LENG9: variants seen among roughly 807,000 people sequenced by gnomAD.
The protein encoded by LENG9 is leukocyte receptor cluster member 9.
For synonymous variants in LENG9, 410 were observed against 303.9 expected (o/e 1.35, Z -3.63); for missense variants, 872 against 652.7 (o/e 1.34, Z -3.66).
chr19:54,463,598 C>T lies in LENG9; in HGVS notation c.-72G>A. 2 of 1,295,716 alleles carry T rather than the reference C, an allele frequency of 1.5e-6. No individual in the cohort carries two copies. Among genetic ancestry groups the T allele is most frequent in the Non-Finnish European group, 2.0e-6 (2 of 1,018,646 alleles). The allele number at this position is 1,295,716 out of a possible 1,614,324, so 80.3% of individuals were successfully genotyped here. On this transcript the variant is annotated 5_prime_UTR_variant, in exon 1 of 1. Coordinates refer to ENST00000611161, the MANE Select transcript of LENG9 (RefSeq NM_001301782.2). ...CACGGAGGGCGGCTCCCCTTGGATG[C>T]ACCGAGCCTCACCCGACAGTGGCGT...
Position 54,462,891 on chromosome 19 carries a change from C to G in LENG9, c.636G>C (p.Glu212Asp), listed in dbSNP as rs2084640498. The G allele has an allele frequency of 6.2e-7, 1 of 1,612,722 alleles. No homozygotes were observed. Among genetic ancestry groups the G allele is most frequent in the South Asian group, 1.1e-5 (1 of 91,082 alleles). Residue 212 changes from glutamate (E) to aspartate (D), a missense_variant, in exon 1 of 1, where the codon GAG (glutamate) becomes GAC (aspartate). By Grantham distance (45) the Glu-to-Asp change is conservative. Transcript: ENST00000611161. ...EPGVEEPGEL[E>D]AAQERALGTA... ...TGCCCAGCGCCCTCTCCTGGGCCGC[C>G]TCCAGCTCTCCGGGTTCCTCCACGC...
rs747309125 is a variant in LENG9, at chr19:54,461,750, GT to G, written c.*339del. 5.4e-5 allele frequency: 29 copies of G among 535,932 alleles called. No homozygotes were observed. Among genetic ancestry groups the G allele is most frequent in the East Asian group, 1.0e-4 (2 of 19,850 alleles). 33.2% of individuals were successfully genotyped at this position (535,932 alleles called of 1,614,324 possible). A position where few individuals can be genotyped will look rare whatever the true frequency, so the allele number is the denominator to read the frequency against. On this transcript the variant is annotated 3_prime_UTR_variant, in exon 1 of 1. Transcript: ENST00000611161. The stretch of plus-strand genomic sequence containing the variant: ...CGTCATGTTGCCTTCTCTTTTCTTT[GT>G]GTGTGTGTTTATTTAAGTTATTTTT...
chr19:54,463,126 AGGC>A lies in LENG9; in HGVS notation c.398_400del (p.Arg133del), dbSNP rs901350785. The A allele has an allele frequency of 1.4e-5, 23 of 1,599,112 alleles. No individual in the cohort carries two copies. Among genetic ancestry groups the A allele is most frequent in the Non-Finnish European group, 1.8e-5 (21 of 1,178,032 alleles). On this transcript the variant is annotated inframe_deletion, in exon 1 of 1. Transcript: ENST00000611161. ...GGTGCGCGAGGCGCGGTCCCACACA[AGGC>A]GGCCACGGAAGCGGAAGAAGCGCAC... is the stretch of plus-strand genomic sequence containing the variant.
Position 54,461,886 on chromosome 19 carries a change from T to TC in LENG9, c.*203dup. 1.3e-6 allele frequency: 1 copy of TC among 766,818 alleles called. No homozygotes were observed. 47.5% of individuals were successfully genotyped at this position (766,818 alleles called of 1,614,324 possible). On this transcript the variant is annotated 3_prime_UTR_variant, in exon 1 of 1. Transcript: ENST00000611161. ...AGCTGGACTGTCAGGCTGCTTTTTT[T>TC]CCAGATGTTCCTCCTCTGCCTCCCC... is the stretch of plus-strand genomic sequence containing the variant.
rs770213650 is a variant in LENG9 at position 54,463,100 on chromosome 19, C to G, written c.427G>C (p.Asp143His). ...RLVWDRASRT[D>H]LVFGSGSAAG... ...GCCGAGCCAGAGCCAAAGACGAGGT[C>G]GGTGCGCGAGGCGCGGTCCCACACA... Residue 143 changes from aspartate (D) to histidine (H), a missense_variant, in exon 1 of 1, where the codon GAC becomes CAC. Transcript: ENST00000611161. 6.2e-7 allele frequency: 1 copy of G among 1,602,198 alleles called. No individual in the cohort carries two copies. Among genetic ancestry groups the G allele is most frequent in the South Asian group, 1.1e-5 (1 of 90,830 alleles).
Position 54,462,871 on chromosome 19 carries a change from A to G in LENG9, c.656T>C (p.Leu219Pro), listed in dbSNP as rs754373509. Residue 219 changes from leucine (L) to proline (P), a missense_variant, in exon 1 of 1, where the codon CTG becomes CCG. Transcript: ENST00000611161. ...TGTTCCCAAATCAGCAGCTGTGCCC[A>G]GCGCCCTCTCCTGGGCCGCCTCCAG... ...GELEAAQERALGTAADLGTLA... is the reference protein window; with the variant it reads ...GELEAAQERAPGTAADLGTLA... The G allele has an allele frequency of 7.4e-6, 12 of 1,612,680 alleles. No homozygotes were observed. The South Asian group carries it at 1.3e-4, about 18-fold the overall frequency.
Position 54,462,394 on chromosome 19 carries a change from C to A in LENG9, c.1133G>T (p.Arg378Ile). ...ATGCGGGCCCAGGAGGACCAGCTTT[C>A]TAAAGCTCAGCCGAGGGGGTGCATT... The part of the protein sequence containing the change: ...GLNAPPRLSF[R>I]KLVLLGPHVL... The change falls in exon 1 of 1, where the codon AGA becomes ATA. Residue 378 changes from arginine (R) to isoleucine (I), a missense_variant. Transcript: ENST00000611161. 1.9e-6 allele frequency: 3 copies of A among 1,613,004 alleles called. No individual in the cohort carries two copies. In the South Asian group the frequency reaches 3.3e-5, roughly 18 times the overall value.
At position 54,463,395 on chromosome 19, in the gene LENG9, C is replaced by T. The variant is rs1600038482; in HGVS notation, c.132G>A (p.Gly44=). The change falls in exon 1 of 1, where the codon GGG becomes GGA. Residue 44 remains glycine (G), a synonymous_variant. Transcript: ENST00000611161. The part of the protein sequence containing the change: ...FGARCRQPHP[G]APAPPGREAQ... ...CCTCGCGGCCAGGCGGCGCCGGCGC[C>T]CCAGGGTGGGGCTGGCGGCAGCGGG... 2 of 1,282,866 alleles carry T rather than the reference C, an allele frequency of 1.6e-6. No individual in the cohort carries two copies. Among genetic ancestry groups the T allele is most frequent in the Non-Finnish European group, 2.0e-6 (2 of 1,018,120 alleles). The allele number at this position is 1,282,866 out of a possible 1,614,324, so 79.5% of individuals were successfully genotyped here.
rs897663089 is a variant in LENG9 at position 54,462,674 on chromosome 19, C to T, written c.853G>A (p.Ala285Thr). ...GPAAWPEDKR[A>T]RLSVAAPCQP... ...CAAGGGGCTGCAACACTAAGGCGGG[C>T]CCTTTTGTCCTCGGGCCAGGCCGCA... Residue 285 changes from alanine to threonine, a missense_variant, in exon 1 of 1, where the codon GCC becomes ACC. Transcript: ENST00000611161. 2.5e-6 allele frequency: 4 copies of T among 1,611,894 alleles called. No individual in the cohort carries two copies. The African/African-American group carries it at 5.3e-5, about 22-fold the overall frequency.
At position 54,462,580 on chromosome 19, in the gene LENG9, T is replaced by G; in HGVS notation, c.947A>C (p.Lys316Thr). Reference protein sequence around the residue: ...TEPGLQAEVTKAQEYLVHVAP... With the variant: ...TEPGLQAEVTTAQEYLVHVAP... The stretch of plus-strand genomic sequence containing the variant: ...CACGTGGACCAGGTATTCCTGGGCC[T>G]TGGTCACTTCTGCTTGTAGCCCAGG... The change falls in exon 1 of 1, where the codon AAG becomes ACG. Residue 316 changes from lysine to threonine, a missense_variant. Lys to Thr is a moderately conservative substitution (Grantham distance 78). Coordinates refer to ENST00000611161, the MANE Select transcript of LENG9 (RefSeq NM_001301782.2). 5 of 1,613,754 alleles carry G rather than the reference T, an allele frequency of 3.1e-6. No individual in the cohort carries two copies. The highest frequency in any genetic ancestry group is 1.3e-5 in the African/African-American group (1 of 75,048).
rs530557227 is a variant in LENG9, at chr19:54,462,850, C to G, written c.677G>C (p.Gly226Ala). 6.2e-7 allele frequency: 1 copy of G among 1,612,540 alleles called. No individual in the cohort carries two copies. Among genetic ancestry groups the G allele is most frequent in the South Asian group, 1.1e-5 (1 of 91,070 alleles). ...ERALGTAADL[G>A]TLAPRGRLAG... ...GAGGCGTCCTCTTGGGGCCAGTGTT[C>G]CCAAATCAGCAGCTGTGCCCAGCGC... The change falls in exon 1 of 1, where the codon GGA becomes GCA. Residue 226 changes from glycine to alanine, a missense_variant. Coordinates refer to ENST00000611161, the MANE Select transcript of LENG9 (RefSeq NM_001301782.2).
At position 54,461,835 on chromosome 19, in the gene LENG9, G is replaced by A; in HGVS notation, c.*255C>T. The A allele has an allele frequency of 1.9e-6, 1 of 533,352 alleles. No individual in the cohort carries two copies. The highest frequency in any genetic ancestry group is 3.7e-6 in the Non-Finnish European group (1 of 269,108). The allele number at this position is 533,352 out of a possible 1,614,324, so 33.0% of individuals were successfully genotyped here. The stretch of plus-strand genomic sequence containing the variant: ...TCCCTCCCTCTTCTGCCATGTAACT[G>A]GAGGATGTGCTATGAGTTTGCAAAC... On this transcript the variant is annotated 3_prime_UTR_variant, in exon 1 of 1. Coordinates refer to ENST00000611161, the MANE Select transcript of LENG9 (RefSeq NM_001301782.2).
At position 54,462,294 on chromosome 19, in the gene LENG9, C is replaced by T. The variant is rs145372180; in HGVS notation, c.1233G>A (p.Gly411=). ...GCCCTGGAGACTGTAGTGTACTCAG[C>T]CCCTCGGCTTCCAGCCTCTGGCTCA... is the stretch of plus-strand genomic sequence containing the variant. ...QVLSQRLEAE[G]LSTLQSPGQL... is the part of the protein sequence containing the mutation. Residue 411 remains glycine (G), a synonymous_variant, in exon 1 of 1, where the codon GGG becomes GGA. Coordinates refer to ENST00000611161, the MANE Select transcript of LENG9 (RefSeq NM_001301782.2). 115 of 1,602,282 alleles carry T rather than the reference C, an allele frequency of 7.2e-5. No homozygotes were observed. The African/African-American group carries it at 1.5e-3, about 20-fold the overall frequency.
chr19:54,463,290 G>A lies in LENG9; in HGVS notation c.237C>T (p.Arg79=). 2 of 1,537,834 alleles carry A rather than the reference G, an allele frequency of 1.3e-6. No homozygotes were observed. The highest frequency in any genetic ancestry group is 1.7e-6 in the Non-Finnish European group (2 of 1,147,816). The change falls in exon 1 of 1, where the codon CGC becomes CGT. Residue 79 remains arginine (R), a synonymous_variant. Coordinates refer to ENST00000611161, the MANE Select transcript of LENG9 (RefSeq NM_001301782.2). ...CCACCGAGAAGTCGGCGGGGTCGAG[G>A]CGCGGGTCCCAGCGGATGCGCTGGA... ...DVIQRIRWDP[R]LDPADFSVGY...
chr19:54,463,640 G>T lies in LENG9; in HGVS notation c.-114C>A. 1 of 1,248,400 alleles carries T rather than the reference G, an allele frequency of 8.0e-7. No individual in the cohort carries two copies. The allele number at this position is 1,248,400 out of a possible 1,614,324, so 77.3% of individuals were successfully genotyped here. A position where few individuals can be genotyped will look rare whatever the true frequency, so the allele number is the denominator to read the frequency against. ...CAGTGGCGTCAGCGGCCCGCGCTCC[G>T]GCCTAGCTCTGGGGACCACGCCGCG... On this transcript the variant is annotated 5_prime_UTR_variant, in exon 1 of 1. Coordinates refer to ENST00000611161, the MANE Select transcript of LENG9 (RefSeq NM_001301782.2).
At position 54,463,149 on chromosome 19, in the gene LENG9, G is replaced by T. The variant is rs749644477; in HGVS notation, c.378C>A (p.Arg126=). 6.3e-7 allele frequency: 1 copy of T among 1,593,238 alleles called. No homozygotes were observed. Among genetic ancestry groups the T allele is most frequent in the Non-Finnish European group, 8.5e-7 (1 of 1,175,594 alleles). Residue 126 remains arginine, a synonymous_variant, in exon 1 of 1, where the codon CGC becomes CGA. Transcript: ENST00000611161. ...CAAGGCGGCCACGGAAGCGGAAGAA[G>T]CGCACGCGGTGCTGGGGCACTGCCA... ...GVLAVPQHRV[R]FFRFRGRLVW...
At position 54,463,349 on chromosome 19, in the gene LENG9, T is replaced by C. The variant is rs2123268423; in HGVS notation, c.178A>G (p.Lys60Glu). The C allele has an allele frequency of 2.8e-6, 4 of 1,435,048 alleles. No homozygotes were observed. The highest frequency in any genetic ancestry group is 3.6e-6 in the Non-Finnish European group (4 of 1,095,978). The allele number at this position is 1,435,048 out of a possible 1,614,324, so 88.9% of individuals were successfully genotyped here. A position where few individuals can be genotyped will look rare whatever the true frequency, so the allele number is the denominator to read the frequency against. Residue 60 changes from lysine (K) to glutamate (E), a missense_variant, in exon 1 of 1, where the codon AAG becomes GAG. Transcript: ENST00000611161. The stretch of plus-strand genomic sequence containing the variant: ...GCGGCTGTGCGCAGCGGCGGCTTCT[T>C]GGCCCCGGCCTCCGGCTGCGCCTCG... ...GREAQPEAGA[K>E]KPPLRTAADV... is the part of the protein sequence containing the mutation.
In LENG9 at chr19:54,463,763, A is replaced by T. The variant is rs1162220040; in HGVS notation, c.-237T>A. The T allele has an allele frequency of 2.1e-6, 1 of 470,356 alleles. No homozygotes were observed. Among genetic ancestry groups the T allele is most frequent in the East Asian group, 4.0e-5 (1 of 25,312 alleles). The allele number at this position is 470,356 out of a possible 1,614,324, so 29.1% of individuals were successfully genotyped here. Reference sequence around the variant, plus strand: ...CTGCGCCCTCCCCCAGCGCCAGGAAAGCAAGCTGCGTAAAGGCTGCGGCAG... The same window carrying T: ...CTGCGCCCTCCCCCAGCGCCAGGAATGCAAGCTGCGTAAAGGCTGCGGCAG... On this transcript the variant is annotated 5_prime_UTR_variant, in exon 1 of 1. Transcript: ENST00000611161.
chr19:54,462,731 A>T lies in LENG9; in HGVS notation c.796T>A (p.Ser266Thr), dbSNP rs2084632821. The T allele has an allele frequency of 6.2e-7, 1 of 1,610,400 alleles. No homozygotes were observed. Among genetic ancestry groups the T allele is most frequent in the Non-Finnish European group, 8.5e-7 (1 of 1,179,922 alleles). Residue 266 changes from serine to threonine, a missense_variant, in exon 1 of 1, where the codon TCC becomes ACC. By Grantham distance (58) the Ser-to-Thr change is moderately conservative. Coordinates refer to ENST00000611161, the MANE Select transcript of LENG9 (RefSeq NM_001301782.2). ...CACTCGGCTTCTGTCGTCTCAGCGGAGCCCCCCGGGACTCCCAGGGCCTGT... is the reference window on the plus strand; with the variant it reads ...CACTCGGCTTCTGTCGTCTCAGCGGTGCCCCCCGGGACTCCCAGGGCCTGT... Reference protein sequence around the residue: ...EAQALGVPGGSAETTEAEWGP... With the variant: ...EAQALGVPGGTAETTEAEWGP...
Sources: allele counts gnomAD v4.1 joint callset, GRCh38; gene constraint gnomAD v4.1.1; transcripts MANE v1.5; gene names NCBI Gene and HGNC (gene_info 2026-07-23, HGNC 2026-07-21).